Variants in MTHFD2L observed in about 807,000 individuals in gnomAD.
MTHFD2L encodes the protein methylenetetrahydrofolate dehydrogenase (NADP+ dependent) 2 like, also known as bifunctional methylenetetrahydrofolate dehydrogenase/cyclohydrolase 2, mitochondrial.
A neutral mutation model predicts 34.9 loss-of-function variants in MTHFD2L; 29 were observed. The ratio of observed to expected loss-of-function variants is 0.83; its 90% CI spans 0.62 to 1.13. The LOEUF (loss-of-function observed/expected upper bound fraction) is 1.13, where lower values mean the gene tolerates loss of function less well. Among genes scored for constraint, MTHFD2L ranks in the 50% most tolerant of loss-of-function variants. The probability of loss-of-function intolerance (pLI) is 0.00; values close to 1 mark genes in which losing one functional copy is unlikely to be tolerated. For synonymous variants in MTHFD2L, 167 were observed against 155.7 expected (o/e 1.07, Z -0.54); for missense variants, 481 against 446.5 (o/e 1.08, Z -0.70).
intron 6 of MTHFD2L, among the ~76,000 whole-genome samples, chr4:74,275,717 T>TA (rs200097075): frequency 6.6e-6 from 1 of 152,014 alleles, no homozygotes. Context: ...TTTTTTTTTT[T>TA]ATGTGTATGT....
At chr4:74,282,808 T>G (rs903248265) in intron 7 of MTHFD2L, among the ~76,000 whole-genome samples, 1 of 152,156 alleles carries the variant, frequency 6.6e-6, no homozygotes, top group African/African-American at 2.4e-5. Context: ...CTAGCAAGGC[T>G]GGCTCTTGAC....
intron 2 of MTHFD2L, among the ~76,000 whole-genome samples, chr4:74,117,255 A>T (rs1191628610): frequency 1.3e-5 from 2 of 152,222 alleles, no homozygotes; most frequent in Non-Finnish European, 2.9e-5. Context: ...TCGGACACAG[A>T]ATCTTTTGGC....
chr4:74,202,428 G>T (rs1242556830), intron 5 of MTHFD2L, among the ~76,000 whole-genome samples: 2 of 152,104 alleles, frequency 1.3e-5, no homozygotes, highest in African/African-American at 2.4e-5. Flanking sequence ...TTCCAACAAG[G>T]TTTGTGGCTA....
chr4:74,235,737 C>A (rs933472703), intron 6 of MTHFD2L, among the ~76,000 whole-genome samples: 1 of 151,994 alleles, frequency 6.6e-6, no homozygotes, highest in Non-Finnish European at 1.5e-5. Context: ...TACCTAGTGC[C>A]AATGAAAGAT....
At chr4:74,285,996 A>T (rs1053764836) in intron 7 of MTHFD2L, among the ~76,000 whole-genome samples, 1 of 152,136 alleles carries the variant, frequency 6.6e-6, no homozygotes, top group African/African-American at 2.4e-5. Flanking sequence ...TTTCCTCAAC[A>T]TACATTGAAG....
intron 5 of MTHFD2L, among the ~76,000 whole-genome samples, chr4:74,206,455 G>A (rs1735336366): frequency 6.6e-6 from 1 of 152,094 alleles, no homozygotes; most frequent in Non-Finnish European, 1.5e-5. Context: ...TTCTAAGAAG[G>A]CACATAATTA....
intron 7 of MTHFD2L, among the ~76,000 whole-genome samples, chr4:74,287,583 C>A (rs1748343386): frequency 6.6e-6 from 1 of 152,100 alleles, no homozygotes; most frequent in Admixed American, 6.6e-5. Context: ...CCCGTCTCTA[C>A]TAAAAATACA....
In MTHFD2L at chr4:74,190,168, ACTAAT is replaced by A. The variant is rs1220932833; in HGVS notation, c.452-9621_452-9617del. 2.0e-5 allele frequency among the ~76,000 whole-genome samples: 3 copies of A among 151,990 alleles called. No homozygotes were observed. In the East Asian group the frequency reaches 5.8e-4, roughly 29 times the overall value. ...GAAGCTTATTAGAATTGGCCTGTTC[ACTAAT>A]CTAAGTGTTTTCTTCTATAGAATAC... is the stretch of plus-strand genomic sequence containing the variant. On this transcript the variant is annotated intron_variant, in intron 3 of 7. Transcript: ENST00000325278.
intron 6 of MTHFD2L, among the ~76,000 whole-genome samples, chr4:74,242,948 A>G (rs1741926899): frequency 1.3e-5 from 2 of 152,372 alleles, no homozygotes; most frequent in South Asian, 4.1e-4. Flanking sequence ...AATGTATAAC[A>G]TTTCACATTC....
At chr4:74,141,410 T>C (rs1256430326) in intron 1 of MTHFD2L, among the ~76,000 whole-genome samples, 3 of 152,228 alleles carry the variant, frequency 2.0e-5, no homozygotes, top group Non-Finnish European at 4.4e-5. Context: ...AGTTCTCACA[T>C]TCAGTGTGTC....
rs116239444 is a variant in MTHFD2L, at chr4:74,274,290, G to A, written c.806-7135G>A. 9.5e-3 allele frequency among the ~76,000 whole-genome samples: 1,440 copies of A among 152,202 alleles called. 28 individuals carry two copies. The highest frequency in any genetic ancestry group is 0.033 in the African/African-American group (1,363 of 41,548). Reference sequence around the variant, plus strand: ...TAATAATAAAACTGATTTCTACCAAGGATAAAAGTTATTCAAATCTGGTCA... The same window carrying A: ...TAATAATAAAACTGATTTCTACCAAAGATAAAAGTTATTCAAATCTGGTCA... On this transcript the variant is annotated intron_variant, in intron 6 of 7. Transcript: ENST00000325278.
intron 6 of MTHFD2L, among the ~76,000 whole-genome samples, chr4:74,253,636 G>A (rs1172167586): frequency 6.6e-6 from 1 of 152,126 alleles, no homozygotes; most frequent in East Asian, 1.9e-4. Context: ...ACAAGCATCA[G>A]GCTTCAGGCC....
At chr4:74,143,114 A>G (rs1157475934) in intron 1 of MTHFD2L, among the ~76,000 whole-genome samples, 1 of 152,166 alleles carries the variant, frequency 6.6e-6, no homozygotes, top group Non-Finnish European at 1.5e-5. Flanking sequence ...ACCAGCATTA[A>G]GGACCTCTTC....
intron 1 of MTHFD2L, among the ~76,000 whole-genome samples, chr4:74,136,041 T>G (rs988677268): frequency 6.6e-6 from 1 of 152,030 alleles, no homozygotes; most frequent in Non-Finnish European, 1.5e-5. Context: ...AAGGAAAAAT[T>G]GAAGGCCTTT....
chr4:74,158,198 G>C lies in MTHFD2L; in HGVS notation c.60G>C (p.Ala20=), dbSNP rs756696611. ...LLRGRLGRAP[A]LGRSTAPSVR... ...GCGGCCGCCTTGGCCGAGCGCCGGC[G>C]TTGGGCAGAAGCACAGCACCCTCCG... The change falls in exon 1 of 8, where the codon GCG becomes GCC. Residue 20 remains alanine (A), a synonymous_variant. Coordinates refer to ENST00000325278, the MANE Select transcript of MTHFD2L (RefSeq NM_001144978.3). The C allele has an allele frequency of 7.2e-6, 11 of 1,525,800 alleles. No homozygotes were observed. The highest frequency in any genetic ancestry group is 9.7e-6 in the Non-Finnish European group (11 of 1,137,068). The allele number at this position is 1,525,800 out of a possible 1,614,324, so 94.5% of individuals were successfully genotyped here.
intron 5 of MTHFD2L, among the ~76,000 whole-genome samples, chr4:74,204,362 T>C (rs1185498715): frequency 6.6e-6 from 1 of 152,234 alleles, no homozygotes; most frequent in Non-Finnish European, 1.5e-5. Flanking sequence ...TTGGTGCATG[T>C]AGCTGTGGCA....
In MTHFD2L at chr4:74,285,708, C is replaced by T. The variant is rs115985106; in HGVS notation, c.931+4158C>T. 2.2e-3 allele frequency among the ~76,000 whole-genome samples: 335 copies of T among 152,186 alleles called. 1 individual carries two copies. Among genetic ancestry groups the T allele is most frequent in the African/African-American group, 7.8e-3 (325 of 41,528 alleles). On this transcript the variant is annotated intron_variant, in intron 7 of 7. Transcript: ENST00000325278. ...GTCACTAAACAAATATAATTTCTCC[C>T]ATTGACTACTAAAATTGCTTTGCAC...
chr4:74,272,111 G>A (rs980469721), intron 6 of MTHFD2L, among the ~76,000 whole-genome samples: 5 of 152,150 alleles, frequency 3.3e-5, no homozygotes, highest in East Asian at 1.9e-4. Context: ...GTAAGTCTAC[G>A]TCGCTATCGA....
At chr4:74,152,323 T>G (rs1261381080) in intron 1 of MTHFD2L, among the ~76,000 whole-genome samples, 1 of 152,138 alleles carries the variant, frequency 6.6e-6, no homozygotes, top group Non-Finnish European at 1.5e-5. Flanking sequence ...TGTATTTGAT[T>G]AGTAGCTTCT....
Sources: gnomAD v4.1 joint callset for allele counts (sites outside exome capture counted in the v4.1 genomes callset) on GRCh38, gnomAD v4.1.1 for gene constraint, MANE v1.5 for transcripts, NCBI Gene and HGNC (gene_info 2026-07-23, HGNC 2026-07-21) for gene names.